Variants in SLIT2 observed in about 807,000 individuals in gnomAD.
SLIT2 encodes the protein slit guidance ligand 2, also known as slit homolog 2 protein.
A neutral mutation model predicts 185.7 loss-of-function variants in SLIT2; 41 were observed. The observed-to-expected ratio is 0.22, with a 90% confidence interval of 0.17 to 0.29. The LOEUF (loss-of-function observed/expected upper bound fraction) is 0.29, where lower values mean the gene tolerates loss of function less well. SLIT2 is among the 10% of genes least tolerant of loss of function. The pLI, the probability that SLIT2 is intolerant of heterozygous loss-of-function variation, is 1.00. For missense variants in SLIT2, 1,571 were observed against 1,909.0 expected (o/e 0.82, Z 3.30); for synonymous variants, 693 against 680.2 (o/e 1.02, Z -0.29).
At chr4:20,298,143 C>A (rs573275727) in intron 4 of SLIT2, among the ~76,000 whole-genome samples, 1 of 151,106 alleles carries the variant, frequency 6.6e-6, no homozygotes, top group Non-Finnish European at 1.5e-5. Flanking sequence ...GGCTGGAGTG[C>A]AATGGCGTAA....
At chr4:20,282,933 A>G (rs890763233) in intron 4 of SLIT2, among the ~76,000 whole-genome samples, 1 of 152,188 alleles carries the variant, frequency 6.6e-6, no homozygotes, top group African/African-American at 2.4e-5. Context: ...AAGACTTTTA[A>G]TAGTGCATTG....
chr4:20,586,544 A>G (rs1577974888), intron 29 of SLIT2, among the ~76,000 whole-genome samples: 1 of 152,240 alleles, frequency 6.6e-6, no homozygotes, highest in Non-Finnish European at 1.5e-5. Context: ...AAATGCACAC[A>G]TAACAGTGCA....
At chr4:20,397,968 T>C (rs1315185247) in intron 4 of SLIT2, among the ~76,000 whole-genome samples, 1 of 151,774 alleles carries the variant, frequency 6.6e-6, no homozygotes, top group East Asian at 1.9e-4. Flanking sequence ...CATTTCAGTC[T>C]CCAGGAAAAA....
chr4:20,545,416 G>A (rs1410168150), intron 21 of SLIT2, among the ~76,000 whole-genome samples: 1 of 151,456 alleles, frequency 6.6e-6, no homozygotes, highest in African/African-American at 2.4e-5. Flanking sequence ...CTAATAAGAA[G>A]GGAAAGTTTA....
chr4:20,542,636 G>A lies in SLIT2; in HGVS notation c.2276+10G>A, dbSNP rs759239243. On this transcript the variant is annotated intron_variant, in intron 21 of 36. Transcript: ENST00000504154. ...GAGATGTCACAGAGTTGTAAGTAGAGCTTGTCTTTCTTTTCTTTTCTTTTT... is the reference window on the plus strand; with the variant it reads ...GAGATGTCACAGAGTTGTAAGTAGAACTTGTCTTTCTTTTCTTTTCTTTTT... The A allele has an allele frequency of 8.7e-6, 14 of 1,611,564 alleles. No homozygotes were observed. Among genetic ancestry groups the A allele is most frequent in the African/African-American group, 1.3e-5 (1 of 74,906 alleles).
In SLIT2 at chr4:20,569,670, G is replaced by A. The variant is rs548285398; in HGVS notation, c.3088+666G>A. Among the ~76,000 whole-genome samples the A allele has an allele frequency of 2.6e-5, 4 of 151,832 alleles. No individual in the cohort carries two copies. The South Asian group carries it at 8.3e-4, about 32-fold the overall frequency. ...TTTTATTTTTATTTTTTGTGGCTCCGAATTAGAAACTTCATAGATATGCTC... is the reference window on the plus strand; with the variant it reads ...TTTTATTTTTATTTTTTGTGGCTCCAAATTAGAAACTTCATAGATATGCTC... On this transcript the variant is annotated intron_variant, in intron 29 of 36. Coordinates refer to ENST00000504154, the MANE Select transcript of SLIT2 (RefSeq NM_004787.4).
At chr4:20,531,948 G>T (rs775038240) in intron 16 of SLIT2, 36 bp from the exon 17 acceptor site, 19 of 1,139,808 alleles carry the variant, frequency 1.7e-5, no homozygotes, top group Non-Finnish European at 2.3e-5. Context: ...CTAACTATTG[G>T]TAATAAAACT....
Position 20,276,333 on chromosome 4 carries a change from A to T in SLIT2, c.395+7452A>T, listed in dbSNP as rs559084001. Among the ~76,000 whole-genome samples the T allele has an allele frequency of 1.6e-4, 25 of 152,158 alleles. No individual in the cohort carries two copies. In the South Asian group the frequency reaches 4.4e-3, roughly 26 times the overall value. ...ATAACTGAGTTGATTATAATCACTG[A>T]ATTTTTTCTGGAGGGTTAACCTTAA... On this transcript the variant is annotated intron_variant, in intron 4 of 36. Coordinates refer to ENST00000504154, the MANE Select transcript of SLIT2 (RefSeq NM_004787.4).
chr4:20,535,595 G>A (rs1366402377), intron 18 of SLIT2, among the ~76,000 whole-genome samples: 1 of 152,068 alleles, frequency 6.6e-6, no homozygotes, highest in African/African-American at 2.4e-5. Flanking sequence ...TTACACAACA[G>A]AAACTGATTT....
chr4:20,541,278 A>C (rs544051031), intron 19 of SLIT2, among the ~76,000 whole-genome samples, 175 bp from the exon 20 acceptor site: 28 of 152,192 alleles, frequency 1.8e-4, no homozygotes, highest in Non-Finnish European at 3.8e-4. Context: ...ATTTTATCAA[A>C]AAAAAAATGC....
At chr4:20,487,918 T>A (rs1717402725) in intron 7 of SLIT2, among the ~76,000 whole-genome samples, 1 of 152,224 alleles carries the variant, frequency 6.6e-6, no homozygotes, top group Non-Finnish European at 1.5e-5. Context: ...TGGGTTAGAA[T>A]TGAACACATC....
intron 4 of SLIT2, among the ~76,000 whole-genome samples, chr4:20,307,850 G>C (rs556227129): frequency 6.6e-6 from 1 of 152,224 alleles, no homozygotes; most frequent in Admixed American, 6.5e-5. Context: ...GATAGTGTGA[G>C]GCAGAACTGG....
At chr4:20,550,410 A>G (rs764823768) in intron 24 of SLIT2, among the ~76,000 whole-genome samples, 3 of 151,748 alleles carry the variant, frequency 2.0e-5, no homozygotes, top group Non-Finnish European at 4.4e-5. Context: ...TATATCTTAT[A>G]TAAGTTGCAA....
At position 20,252,268 on chromosome 4, in the gene SLIT2, G is replaced by C. The variant is rs1352002512; in HGVS notation, c.-1548G>C. Among the ~76,000 whole-genome samples the C allele has an allele frequency of 6.6e-6, 1 of 152,164 alleles. No homozygotes were observed. The highest frequency in any genetic ancestry group is 1.5e-5 in the Non-Finnish European group (1 of 68,034). ...AAGCGAGACTTGGGCTGCTGCGTCC[G>C]TCCTATTGTTTAGACACTTGCCAGG... On this transcript the variant is annotated 5_prime_UTR_variant, in exon 1 of 37. Transcript: ENST00000504154.
intron 30 of SLIT2, among the ~76,000 whole-genome samples, chr4:20,590,987 T>C (rs1727472441): frequency 6.6e-6 from 1 of 152,196 alleles, no homozygotes; most frequent in African/African-American, 2.4e-5. Context: ...ATAGGCTGGA[T>C]TCTTAGGAAT....
intron 33 of SLIT2, among the ~76,000 whole-genome samples, chr4:20,604,546 A>G (rs1728643118): frequency 6.6e-6 from 1 of 151,826 alleles, no homozygotes; most frequent in South Asian, 2.1e-4. Flanking sequence ...ATGGGGTTTC[A>G]CCATGTTAGC....
chr4:20,354,271 G>C (rs1039278622), intron 4 of SLIT2, among the ~76,000 whole-genome samples: 1 of 148,526 alleles, frequency 6.7e-6, no homozygotes, highest in African/African-American at 2.5e-5. Context: ...TTTATTAACT[G>C]CTCTCTATTG....
At chr4:20,262,708 A>G (rs1249945257) in intron 3 of SLIT2, among the ~76,000 whole-genome samples, 1 of 151,880 alleles carries the variant, frequency 6.6e-6, no homozygotes, top group Non-Finnish European at 1.5e-5. Flanking sequence ...TCCAAAAGAT[A>G]TAATAGCCAT....
At position 20,477,071 on chromosome 4, in the gene SLIT2, G is replaced by A. The variant is rs546342935; in HGVS notation, c.468-3645G>A. Among the ~76,000 whole-genome samples, 137 of 151,304 alleles carry A rather than the reference G, an allele frequency of 9.1e-4. 1 individual carries two copies. Among genetic ancestry groups the A allele is most frequent in the African/African-American group, 3.2e-3 (132 of 41,216 alleles). ...AGCCCATCGACACACTGCATTATGT[G>A]AGACTAAATTTACCAGCGCTGGTAA... is the stretch of plus-strand genomic sequence containing the variant. On this transcript the variant is annotated intron_variant, in intron 5 of 36. Transcript: ENST00000504154.
Sources: gnomAD v4.1 joint callset for allele counts (sites outside exome capture counted in the v4.1 genomes callset) on GRCh38, gnomAD v4.1.1 for gene constraint, MANE v1.5 for transcripts, NCBI Gene and HGNC (gene_info 2026-07-23, HGNC 2026-07-21) for gene names.